The following ZNF804B variants were observed in gnomAD, a reference collection of about 807,000 sequenced individuals.
ZNF804B encodes zinc finger protein 804B.
ZNF804B carries 80 observed loss-of-function variants against 101.4 expected under a neutral mutation model. That is an observed-to-expected ratio of 0.79 (90% CI 0.66 to 0.95). The LOEUF (loss-of-function observed/expected upper bound fraction) is 0.95. Among genes scored for constraint, ZNF804B ranks in the 40% least tolerant of loss-of-function variants. ZNF804B has a pLI of 0.00. For missense variants in ZNF804B, 1,673 were observed against 1,561.9 expected (o/e 1.07, Z -1.20); for synonymous variants, 622 against 558.8 (o/e 1.11, Z -1.59).
chr7:88,854,419 C>CTTTCTT (rs1562812590), intron 1 of ZNF804B, among the ~76,000 whole-genome samples: 1 of 76,376 alleles, frequency 1.3e-5, no homozygotes, highest in African/African-American at 5.0e-5. Flanking sequence ...TTCTTCCTTT[C>CTTTCTT]TTTCTTTCTT....
chr7:89,179,734 T>C (rs1205134479), intron 1 of ZNF804B, among the ~76,000 whole-genome samples: 1 of 152,130 alleles, frequency 6.6e-6, no homozygotes, highest in Non-Finnish European at 1.5e-5. Flanking sequence ...ACGACTTATG[T>C]ATTTGTTGTC....
intron 1 of ZNF804B, among the ~76,000 whole-genome samples, chr7:88,978,517 T>A (rs942257496): frequency 6.6e-6 from 1 of 151,882 alleles, no homozygotes; most frequent in African/African-American, 2.4e-5. Flanking sequence ...TTTTCTAATA[T>A]GTCTACTACT....
chr7:89,188,293 C>A (rs1330368118), intron 1 of ZNF804B, among the ~76,000 whole-genome samples: 1 of 152,018 alleles, frequency 6.6e-6, no homozygotes, highest in Non-Finnish European at 1.5e-5. Context: ...CACCAAGAAC[C>A]ATGTTCATAT....
chr7:88,933,245 T>G (rs1792916514), intron 1 of ZNF804B, among the ~76,000 whole-genome samples: 1 of 151,648 alleles, frequency 6.6e-6, no homozygotes, highest in Non-Finnish European at 1.5e-5. Flanking sequence ...AAATTTAATA[T>G]CCCTTTATAA....
intron 2 of ZNF804B, among the ~76,000 whole-genome samples, chr7:89,246,253 C>G (rs1194845636): frequency 6.6e-6 from 1 of 152,160 alleles, no homozygotes; most frequent in Non-Finnish European, 1.5e-5. Context: ...GCTGCAGTTT[C>G]TCCTGAACAA....
At chr7:88,936,523 G>A (rs890378784) in intron 1 of ZNF804B, among the ~76,000 whole-genome samples, 2 of 152,036 alleles carry the variant, frequency 1.3e-5, no homozygotes, top group African/African-American at 4.8e-5. Flanking sequence ...ATTGAGAGGG[G>A]TAGTAAATGA....
At chr7:89,033,563 C>A (rs1032063207) in intron 1 of ZNF804B, among the ~76,000 whole-genome samples, 9 of 152,042 alleles carry the variant, frequency 5.9e-5, no homozygotes, top group Non-Finnish European at 1.3e-4. Flanking sequence ...AATGTACTGA[C>A]TTAAATTCCC....
intron 3 of ZNF804B, among the ~76,000 whole-genome samples, chr7:89,329,568 A>G (rs1790946099): frequency 6.6e-6 from 1 of 151,658 alleles, no homozygotes; most frequent in South Asian, 2.1e-4. Flanking sequence ...CTGGTAGTGC[A>G]TAAAATGATG....
At chr7:89,005,706 A>G (rs1356592329) in intron 1 of ZNF804B, among the ~76,000 whole-genome samples, 1 of 152,124 alleles carries the variant, frequency 6.6e-6, no homozygotes, top group Non-Finnish European at 1.5e-5. Context: ...CAAATAGCTC[A>G]GTCTTTACTT....
At chr7:89,290,963 T>A (rs951586898) in intron 2 of ZNF804B, among the ~76,000 whole-genome samples, 1 of 152,080 alleles carries the variant, frequency 6.6e-6, no homozygotes, top group African/African-American at 2.4e-5. Flanking sequence ...TGGAAGAACA[T>A]AATGGAAGAA....
chr7:88,980,852 A>G (rs1793683830), intron 1 of ZNF804B, among the ~76,000 whole-genome samples: 1 of 152,018 alleles, frequency 6.6e-6, no homozygotes, highest in Non-Finnish European at 1.5e-5. Flanking sequence ...CAAGTGCTGT[A>G]CAATTTACAG....
chr7:89,237,343 C>G (rs1262253450), intron 2 of ZNF804B, among the ~76,000 whole-genome samples: 1 of 152,044 alleles, frequency 6.6e-6, no homozygotes, highest in Non-Finnish European at 1.5e-5. Context: ...CTAGTCCAAT[C>G]ACTTTTTAGT....
At chr7:89,113,049 G>A (rs1006168692) in intron 1 of ZNF804B, among the ~76,000 whole-genome samples, 6 of 152,188 alleles carry the variant, frequency 3.9e-5, no homozygotes, top group Non-Finnish European at 8.8e-5. Flanking sequence ...AGATGTGGGG[G>A]AGAATATGTG....
intron 1 of ZNF804B, among the ~76,000 whole-genome samples, chr7:89,052,687 A>C (rs935947737): frequency 6.6e-6 from 1 of 152,172 alleles, no homozygotes; most frequent in Non-Finnish European, 1.5e-5. Flanking sequence ...AACCTCGTAC[A>C]CAAGGAACCC....
chr7:89,145,656 C>T (rs1790780058), intron 1 of ZNF804B, among the ~76,000 whole-genome samples: 1 of 151,944 alleles, frequency 6.6e-6, no homozygotes, highest in Admixed American at 6.6e-5. Flanking sequence ...CAATTTAATA[C>T]ATTCATTGAC....
chr7:88,851,590 G>C (rs1378681413), intron 1 of ZNF804B, among the ~76,000 whole-genome samples: 2 of 151,950 alleles, frequency 1.3e-5, no homozygotes, highest in African/African-American at 4.8e-5. Context: ...GACTAAATGA[G>C]TGTAACACTA....
chr7:88,901,025 A>G (rs1395028743), intron 1 of ZNF804B, among the ~76,000 whole-genome samples: 1 of 151,704 alleles, frequency 6.6e-6, no homozygotes, highest in African/African-American at 2.4e-5. Flanking sequence ...CTCTATTTTA[A>G]TTTGCTTTTT....
chr7:88,809,233 C>A (rs1790739181), intron 1 of ZNF804B, among the ~76,000 whole-genome samples: 1 of 152,080 alleles, frequency 6.6e-6, no homozygotes, highest in Non-Finnish European at 1.5e-5. Context: ...AAATAGAAAT[C>A]TTACCAAGTT....
At position 89,335,326 on chromosome 7, in the gene ZNF804B, G is replaced by C; in HGVS notation, c.2344G>C (p.Glu782Gln). 4 of 1,613,732 alleles carry C rather than the reference G, an allele frequency of 2.5e-6. No individual in the cohort carries two copies. Among genetic ancestry groups the C allele is most frequent in the South Asian group, 1.1e-5 (1 of 91,076 alleles). Residue 782 changes from glutamate to glutamine, a missense_variant, in exon 4 of 4, where the codon GAG becomes CAG. Transcript: ENST00000333190. ...CCAAATGCAGTCTGAACCACAGAAAGAGAGGAACTGCAAATTGTGGGAATC... is the reference window on the plus strand; with the variant it reads ...CCAAATGCAGTCTGAACCACAGAAACAGAGGAACTGCAAATTGTGGGAATC... The part of the protein sequence containing the change: ...SSQMQSEPQK[E>Q]RNCKLWESFK...
Sources: gnomAD v4.1 joint callset for allele counts (sites outside exome capture counted in the v4.1 genomes callset) on GRCh38, gnomAD v4.1.1 for gene constraint, MANE v1.5 for transcripts, NCBI Gene and HGNC (gene_info 2026-07-23, HGNC 2026-07-21) for gene names.